NEGR1: variants seen among roughly 807,000 people sequenced by gnomAD.
NEGR1 encodes IgLON family member 4.
Under a neutral mutation model 40.9 loss-of-function variants are expected in NEGR1, and 10 were observed. The observed-to-expected ratio is 0.24, with a 90% CI of 0.15 to 0.42. NEGR1 has a LOEUF of 0.42. NEGR1 is among the 10% of genes least tolerant of loss of function. The pLI is 1.00. For synonymous variants in NEGR1, 185 were observed against 166.8 expected (o/e 1.11, Z -0.84); for missense variants, 352 against 438.9 (o/e 0.80, Z 1.77).
chr1:72,031,530 A>G (rs1253906601), intron 1 of NEGR1, among the ~76,000 whole-genome samples: 3 of 152,318 alleles, frequency 2.0e-5, no homozygotes, highest in East Asian at 1.9e-4. Flanking sequence ...GAAAAAATAC[A>G]TGCTTGCTAT....
chr1:71,486,525 C>G (rs1333385361), intron 6 of NEGR1: 1 of 151,524 alleles, frequency 6.6e-6, no homozygotes, highest in East Asian at 1.9e-4. Flanking sequence ...TAAGCACATT[C>G]TCAAACAAGG....
At chr1:71,683,928 A>G (rs1652927209) in intron 4 of NEGR1, among the ~76,000 whole-genome samples, 1 of 152,170 alleles carries the variant, frequency 6.6e-6, no homozygotes. Flanking sequence ...TAGATAAACA[A>G]TGTAAAAATT....
chr1:72,266,479 C>T (rs1655643784), intron 1 of NEGR1, among the ~76,000 whole-genome samples: 1 of 150,666 alleles, frequency 6.6e-6, no homozygotes. Flanking sequence ...GATACAAAGG[C>T]AATTAAGGTA....
chr1:71,436,365 A>ATAATGAGG (rs1646509782), intron 6 of NEGR1, among the ~76,000 whole-genome samples: 1 of 152,198 alleles, frequency 6.6e-6, no homozygotes, highest in Non-Finnish European at 1.5e-5. Flanking sequence ...CCAGTGCCAG[A>ATAATGAGG]CAATGAGGAA....
At chr1:71,507,518 G>A (rs1280299162) in intron 6 of NEGR1, among the ~76,000 whole-genome samples, 2 of 152,066 alleles carry the variant, frequency 1.3e-5, no homozygotes, top group East Asian at 3.9e-4. Context: ...CTTGTCAAAG[G>A]ATAAACAAAA....
intron 1 of NEGR1, among the ~76,000 whole-genome samples, chr1:72,096,128 C>G (rs1271281336): frequency 2.0e-5 from 3 of 151,954 alleles, no homozygotes; most frequent in Admixed American, 6.6e-5. Context: ...TTTAGATGAT[C>G]AATTTTCCAA....
rs1290274150 is a variant in NEGR1 at position 72,026,253 on chromosome 1, G to A, written c.177-90942C>T. ...TTTACTGTTAAAAATGGAAAGATAG[G>A]GAAGAAATGGAAATACAAAATTTAG... On this transcript the variant is annotated intron_variant, in intron 1 of 6. Transcript: ENST00000357731. Among the ~76,000 whole-genome samples, 3 of 151,694 alleles carry A rather than the reference G, an allele frequency of 2.0e-5. No homozygotes were observed. In the East Asian group the frequency reaches 5.8e-4, roughly 29 times the overall value.
chr1:71,614,431 C>A lies in NEGR1; in HGVS notation c.668-3285G>T, dbSNP rs144902161. 2.4e-3 allele frequency among the ~76,000 whole-genome samples: 368 copies of A among 152,116 alleles called. 2 individuals carry two copies. The highest frequency in any genetic ancestry group is 8.7e-3 in the African/African-American group (359 of 41,480). ...GTTAAGCAAAATTTCATGTCACCTG[C>A]AAAAGCCAATTAAATATATTAAAAA... On this transcript the variant is annotated intron_variant, in intron 4 of 6. Coordinates refer to ENST00000357731, the MANE Select transcript of NEGR1 (RefSeq NM_173808.3).
chr1:71,557,654 A>G (rs1057079070), intron 6 of NEGR1, among the ~76,000 whole-genome samples: 2 of 151,416 alleles, frequency 1.3e-5, no homozygotes, highest in Non-Finnish European at 3.0e-5. Context: ...CCCTATATAC[A>G]CTCTACTCAG....
At chr1:71,687,419 T>A (rs1489097012) in intron 4 of NEGR1, among the ~76,000 whole-genome samples, 1 of 152,202 alleles carries the variant, frequency 6.6e-6, no homozygotes, top group Admixed American at 6.5e-5. Flanking sequence ...TTTGTTTTGT[T>A]TTTATTTGTT....
chr1:72,073,792 A>AT (rs749490944), intron 1 of NEGR1, among the ~76,000 whole-genome samples: 47 of 151,408 alleles, frequency 3.1e-4, no homozygotes, highest in Middle Eastern at 3.5e-3. Flanking sequence ...GCAGTAAATC[A>AT]TTTTTTTTCC....
chr1:71,895,288 C>G (rs190128376), intron 2 of NEGR1, among the ~76,000 whole-genome samples: 7 of 152,152 alleles, frequency 4.6e-5, no homozygotes, highest in African/African-American at 1.7e-4. Context: ...CATAACCATC[C>G]GTTTAAGTAG....
At chr1:72,008,140 T>C (rs931965950) in intron 1 of NEGR1, among the ~76,000 whole-genome samples, 4 of 152,060 alleles carry the variant, frequency 2.6e-5, no homozygotes, top group Non-Finnish European at 5.9e-5. Flanking sequence ...GATATACGTG[T>C]TCATTGGTGT....
Position 72,190,143 on chromosome 1 carries a change from A to ATG in NEGR1, c.176+92175_176+92176insCA, listed in dbSNP as rs1652767064. On this transcript the variant is annotated intron_variant, in intron 1 of 6. Coordinates refer to ENST00000357731, the MANE Select transcript of NEGR1 (RefSeq NM_173808.3). Reference sequence around the variant, plus strand: ...AAAATTTTAATTCCATTTGTCATATATAGCTATATTAATCACAACTTGATA... The same window carrying ATG: ...AAAATTTTAATTCCATTTGTCATATATGTAGCTATATTAATCACAACTTGATA... Among the ~76,000 whole-genome samples the ATG allele has an allele frequency of 4.0e-5, 6 of 151,706 alleles. No individual in the cohort carries two copies. The South Asian group carries it at 1.2e-3, about 31-fold the overall frequency.
intron 6 of NEGR1, among the ~76,000 whole-genome samples, chr1:71,528,809 G>A (rs1053006236): frequency 1.1e-4 from 16 of 150,970 alleles, no homozygotes; most frequent in Admixed American, 4.6e-4. Context: ...CAATTGTTTC[G>A]GTTTTTTCCC....
chr1:71,751,748 A>G (rs1405673963), intron 3 of NEGR1, among the ~76,000 whole-genome samples: 1 of 151,908 alleles, frequency 6.6e-6, no homozygotes, highest in South Asian at 2.1e-4. Context: ...ATAAGTGCCT[A>G]TTGGGCTCAG....
At chr1:72,121,803 G>A (rs776962744) in intron 1 of NEGR1, among the ~76,000 whole-genome samples, 3 of 152,004 alleles carry the variant, frequency 2.0e-5, no homozygotes, top group African/African-American at 4.8e-5. Flanking sequence ...AACATTTGTT[G>A]TAACTTTCTG....
intron 6 of NEGR1, among the ~76,000 whole-genome samples, chr1:71,552,153 C>G (rs909583807): frequency 6.6e-6 from 1 of 151,396 alleles, no homozygotes; most frequent in South Asian, 2.1e-4. Context: ...GATATCTGAT[C>G]CAATACCTAA....
At chr1:72,214,422 A>G (rs1227689522) in intron 1 of NEGR1, among the ~76,000 whole-genome samples, 3 of 152,264 alleles carry the variant, frequency 2.0e-5, no homozygotes, top group East Asian at 3.9e-4. Flanking sequence ...AGGAAGTCAA[A>G]TTATCTCTGC....
Sources: gnomAD v4.1 joint callset for allele counts (sites outside exome capture counted in the v4.1 genomes callset) on GRCh38, gnomAD v4.1.1 for gene constraint, MANE v1.5 for transcripts, NCBI Gene and HGNC (gene_info 2026-07-23, HGNC 2026-07-21) for gene names.